UBR4: variants seen among roughly 807,000 people sequenced by gnomAD.
UBR4 encodes the protein E3 ubiquitin-protein ligase UBR4.
In UBR4, 124 loss-of-function variants were observed where a neutral mutation model predicts 575.6. The observed-to-expected ratio is 0.22, with a 90% confidence interval of 0.19 to 0.25. The LOEUF (loss-of-function observed/expected upper bound fraction) is 0.25. Ranked by LOEUF, UBR4 falls within the 10% of genes least tolerant of loss-of-function variation. The pLI is 1.00. For missense variants in UBR4, 4,818 were observed against 6,478.8 expected, an observed-to-expected ratio of 0.74 and a Z score of 8.80; for synonymous variants, 2,455 against 2,473.7, an observed-to-expected ratio of 0.99 and a Z score of 0.22.
chr1:19,161,993 T>C, intron 35 of UBR4, 96 bp from the exon 36 acceptor site: 2 of 1,396,434 alleles, frequency 1.4e-6, no homozygotes, highest in Non-Finnish European at 2.0e-6. Flanking sequence ...GCGGGGTGAA[T>C]AGTTGACTCG....
chr1:19,170,918 G>T, intron 25 of UBR4, 35 bp from the exon 26 acceptor site: 1 of 1,613,844 alleles, frequency 6.2e-7, no homozygotes, highest in Non-Finnish European at 8.5e-7. Flanking sequence ...GAAGCCATAA[G>T]ATTCTAATCC....
chr1:19,115,706 G>A, intron 73 of UBR4, 69 bp from the exon 74 acceptor site: 1 of 1,574,892 alleles, frequency 6.3e-7, no homozygotes, highest in Non-Finnish European at 8.6e-7. Context: ...ATGAGACAAA[G>A]AGGAAGACTG....
intron 71 of UBR4, 84 bp downstream of exon 71, chr1:19,118,788 C>T (rs2080867876): frequency 1.4e-6 from 2 of 1,396,730 alleles, no homozygotes; most frequent in Non-Finnish European, 2.0e-6. Flanking sequence ...TTGTCAATTC[C>T]TATGTAAGAG....
intron 102 of UBR4, among the ~76,000 whole-genome samples, chr1:19,083,454 A>C (rs1426194666): frequency 6.6e-6 from 1 of 152,254 alleles, no homozygotes; most frequent in Non-Finnish European, 1.5e-5. Flanking sequence ...TCAACAGGGA[A>C]CCGTAAGCCT....
chr1:19,154,202 C>CT (rs1187220576), intron 44 of UBR4, among the ~76,000 whole-genome samples: 2 of 152,194 alleles, frequency 1.3e-5, no homozygotes, highest in African/African-American at 4.8e-5. Context: ...CCCTATGTGC[C>CT]TAGAGGCTAT....
intron 64 of UBR4, among the ~76,000 whole-genome samples, chr1:19,125,893 A>C (rs993025923): frequency 2.0e-5 from 3 of 152,200 alleles, no homozygotes; most frequent in Non-Finnish European, 2.9e-5. Flanking sequence ...TCCTTTACAA[A>C]GGGCACCTCA....
chr1:19,193,472 ATCT>A lies in UBR4; in HGVS notation c.1101_1103del (p.Glu367del). 2 of 1,614,180 alleles carry A rather than the reference ATCT, an allele frequency of 1.2e-6. No individual in the cohort carries two copies. The highest frequency in any genetic ancestry group is 1.7e-6 in the Non-Finnish European group (2 of 1,180,010). ...TTGTAGCTGCGTCACTTTCATAGTC[ATCT>A]TCTTTGGAGCTCGTGGACCCTGTCC... On this transcript the variant is annotated inframe_deletion, in exon 9 of 106. Coordinates refer to ENST00000375254, the MANE Select transcript of UBR4 (RefSeq NM_020765.3).
chr1:19,111,188 C>T (rs1011197414), intron 78 of UBR4, among the ~76,000 whole-genome samples: 1 of 152,240 alleles, frequency 6.6e-6, no homozygotes, highest in African/African-American at 2.4e-5. Flanking sequence ...CTGTCTTCTC[C>T]ATCTGCCTGC....
chr1:19,156,517 T>C (rs2086474856), intron 41 of UBR4, 94 bp from the exon 42 acceptor site: 3 of 1,464,162 alleles, frequency 2.0e-6, no homozygotes, highest in African/African-American at 2.8e-5. Flanking sequence ...TTTCCTCTAA[T>C]ATCCCCTGCC....
At chr1:19,169,941 C>T (rs1330507663) in intron 26 of UBR4, among the ~76,000 whole-genome samples, 2 of 152,194 alleles carry the variant, frequency 1.3e-5, no homozygotes, top group East Asian at 1.9e-4. Flanking sequence ...TCATAACACA[C>T]ATTAAGAACA....
chr1:19,187,339 A>G, intron 12 of UBR4, 38 bp from the exon 13 acceptor site: 1 of 1,609,274 alleles, frequency 6.2e-7, no homozygotes, highest in Non-Finnish European at 8.5e-7. Context: ...TAATGATACT[A>G]CTCAGCCAGA....
chr1:19,127,875 G>A (rs775970322), intron 62 of UBR4, 136 bp from the exon 63 acceptor site: 1 of 704,668 alleles, frequency 1.4e-6, no homozygotes, highest in African/African-American at 1.8e-5. Flanking sequence ...ACAACCCCCA[G>A]TATATCCATG....
Position 19,088,806 on chromosome 1 carries a change from T to C in UBR4, c.14383A>G (p.Met4795Val), listed in dbSNP as rs767832614. Residue 4795 changes from methionine to valine, a missense_variant, in exon 98 of 106, where the codon ATG becomes GTG. Met to Val is a conservative substitution (Grantham distance 21, BLOSUM62 1). Transcript: ENST00000375254. The surrounding 1 kb of genome is among the most constrained non-coding windows in gnomAD (Gnocchi z 4.0). The stretch of plus-strand genomic sequence containing the variant: ...GCCTTCTGCCTCATTGCCATGGCCA[T>C]GCGCTTCTTCTCTGCCCGGGTCTCC... ...RRETRAEKKR[M>V]AMAMRQKALG... is the part of the protein sequence containing the mutation. 7.4e-6 allele frequency: 12 copies of C among 1,613,984 alleles called. No homozygotes were observed. The highest frequency in any genetic ancestry group is 1.0e-5 in the Non-Finnish European group (12 of 1,180,040).
chr1:19,141,439 C>T lies in UBR4; in HGVS notation c.8396G>A (p.Gly2799Asp), dbSNP rs765444008. The T allele has an allele frequency of 5.0e-6, 8 of 1,614,116 alleles. No homozygotes were observed. In the East Asian group the frequency reaches 1.8e-4, roughly 36 times the overall value. ...TGGGATGTCCAGCATGGGGGGGAAG[C>T]CCTCTGCGCCTGCCAGCAGGGCCTC... ...PLEALLAGAE[G>D]FPPMLDIPPD... The change falls in exon 57 of 106, where the codon GGC becomes GAC. Residue 2799 changes from glycine (G) to aspartate (D), a missense_variant. Gly to Asp is a moderately conservative substitution (Grantham distance 94). Around this residue, in one of 29 missense-constraint regions of UBR4, gnomAD observed 129 missense variants for 198.4 expected, o/e 0.65. Transcript: ENST00000375254.
Position 19,159,620 on chromosome 1 carries a change from T to TTTGA in UBR4, c.5577+490_5577+491insTCAA, listed in dbSNP as rs1414303797. 6.4e-4 allele frequency among the ~76,000 whole-genome samples: 96 copies of TTTGA among 151,128 alleles called. 1 individual carries two copies. Among genetic ancestry groups the TTTGA allele is most frequent in the African/African-American group, 2.3e-3 (95 of 41,220 alleles). Reference sequence around the variant, plus strand: ...CCCCACTCCTTTTTTTTTTTTTTTTTGAGAGAGAGTCTCACTCCGTCGCCC... The same window carrying TTTGA: ...CCCCACTCCTTTTTTTTTTTTTTTTTTTGAGAGAGAGAGTCTCACTCCGTCGCCC... On this transcript the variant is annotated intron_variant, in intron 39 of 105. Coordinates refer to ENST00000375254, the MANE Select transcript of UBR4 (RefSeq NM_020765.3).
At chr1:19,113,293 C>G (rs1303023155) in intron 77 of UBR4, 1 of 262,418 alleles carries the variant, frequency 3.8e-6, no homozygotes, top group Non-Finnish European at 7.3e-6. Flanking sequence ...GCAACTGACA[C>G]AAGGCCCACC....
chr1:19,099,264 G>T (rs2078375319), intron 90 of UBR4, among the ~76,000 whole-genome samples: 1 of 152,178 alleles, frequency 6.6e-6, no homozygotes, highest in Admixed American at 6.5e-5. Context: ...TGTCCATACT[G>T]AAGGGAACAA....
Position 19,081,400 on chromosome 1 carries a change from C to T in UBR4, c.15182G>A (p.Arg5061Lys), listed in dbSNP as rs1297878324. The T allele has an allele frequency of 2.5e-6, 4 of 1,613,528 alleles. No homozygotes were observed. Among genetic ancestry groups the T allele is most frequent in the East Asian group, 4.5e-5 (2 of 44,852 alleles). The part of the protein sequence containing the change: ...WRATRVEILR[R>K]LLVTSQARAV... ...CCGAGCCTGCGAGGTCACCAACAGC[C>T]TCCGCAAGATTTCCACACGTGTGGC... The change falls in exon 103 of 106, where the codon AGG becomes AAG. Residue 5061 changes from arginine to lysine, a missense_variant. This residue lies in a region of UBR4 where 212 missense variants were observed against 221.3 expected (regional missense o/e 0.96). Transcript: ENST00000375254.
chr1:19,145,651 G>T lies in UBR4; in HGVS notation c.7945+142C>A, dbSNP rs573048545. 56 of 1,075,812 alleles carry T rather than the reference G, an allele frequency of 5.2e-5. 1 individual carries two copies. The South Asian group carries it at 8.5e-4, about 16-fold the overall frequency. 66.6% of individuals were successfully genotyped at this position (1,075,812 alleles called of 1,614,324 possible). A position where few individuals can be genotyped will look rare whatever the true frequency, so the allele number is the denominator to read the frequency against. The stretch of plus-strand genomic sequence containing the variant: ...GTCTCAGGAACATTGCATTTATCTC[G>T]CAGACTTCTACTTCCCAATTATGAG... On this transcript the variant is annotated intron_variant, in intron 53 of 105. Coordinates refer to ENST00000375254, the MANE Select transcript of UBR4 (RefSeq NM_020765.3).
Sources: gnomAD v4.1 joint callset for allele counts (sites outside exome capture counted in the v4.1 genomes callset) on GRCh38, gnomAD v4.1.1 for gene constraint, gnomAD v4.1.1 regional missense constraint, Gnocchi (gnomAD v3.1) non-coding constraint, MANE v1.5 for transcripts, NCBI Gene and HGNC (gene_info 2026-07-23, HGNC 2026-07-21) for gene names.